RAB28: variants seen among roughly 807,000 people sequenced by gnomAD.
RAB28 encodes the protein ras-related protein Rab-28.
In RAB28, 24 loss-of-function variants were observed where a neutral mutation model predicts 31.7. The observed-to-expected ratio is 0.76, with a 90% CI of 0.55 to 1.06. The LOEUF (loss-of-function observed/expected upper bound fraction) is 1.06, where lower values mean the gene tolerates loss of function less well. RAB28 is among the 50% of genes least tolerant of loss of function. The pLI, the probability that RAB28 is intolerant of heterozygous loss-of-function variation, is 0.00. For synonymous variants in RAB28, 100 were observed against 90.4 expected, an observed-to-expected ratio of 1.11 and a Z score of -0.60; for missense variants, 254 against 258.5, an observed-to-expected ratio of 0.98 and a Z score of 0.12.
chr4:13,426,916 T>C (rs1329695610), intron 4 of RAB28, among the ~76,000 whole-genome samples: 1 of 152,174 alleles, frequency 6.6e-6, no homozygotes, highest in Non-Finnish European at 1.5e-5. Flanking sequence ...ACATGTACTT[T>C]AGAGGTTTGA....
chr4:13,368,329 G>T lies in RAB28; in HGVS notation c.*229C>A. On this transcript the variant is annotated 3_prime_UTR_variant, in exon 7 of 7. Coordinates refer to ENST00000330852, the MANE Select transcript of RAB28 (RefSeq NM_001017979.3). The stretch of plus-strand genomic sequence containing the variant: ...TTGCAATGAAGCAGTCTAATTCCAG[G>T]GAATGGGTTTTCCATTTTGAATTCA... 1 of 1,178,344 alleles carries T rather than the reference G, an allele frequency of 8.5e-7. No homozygotes were observed. Among genetic ancestry groups the T allele is most frequent in the Non-Finnish European group, 1.0e-6 (1 of 953,996 alleles). 73.0% of individuals were successfully genotyped at this position (1,178,344 alleles called of 1,614,324 possible). A position where few individuals can be genotyped will look rare whatever the true frequency, so the allele number is the denominator to read the frequency against.
chr4:13,382,550 C>T (rs13435309), intron 4 of RAB28, among the ~76,000 whole-genome samples: 1,725 of 151,984 alleles, frequency 0.011, 32 homozygotes, highest in African/African-American at 0.039. Context: ...AAAATGCACT[C>T]ATACTACATA....
intron 4 of RAB28, among the ~76,000 whole-genome samples, chr4:13,407,250 T>G (rs957881160): frequency 2.6e-5 from 4 of 152,210 alleles, no homozygotes; most frequent in African/African-American, 9.6e-5. Flanking sequence ...CCAACACCAT[T>G]TATTAAACAG....
intron 4 of RAB28, among the ~76,000 whole-genome samples, chr4:13,426,329 G>A (rs954271423): frequency 2.6e-5 from 4 of 152,036 alleles, no homozygotes; most frequent in Admixed American, 1.3e-4. Flanking sequence ...ACATACTAAT[G>A]AGGATGCAAC....
chr4:13,478,514 G>C (rs1716466060), intron 2 of RAB28, among the ~76,000 whole-genome samples: 1 of 151,468 alleles, frequency 6.6e-6, no homozygotes, highest in Non-Finnish European at 1.5e-5. Context: ...GTGTCTGAGA[G>C]GTTAACATAT....
At chr4:13,449,853 C>G (rs1471182763) in intron 4 of RAB28, among the ~76,000 whole-genome samples, 1 of 151,784 alleles carries the variant, frequency 6.6e-6, no homozygotes, top group Non-Finnish European at 1.5e-5. Context: ...AGGAAGAGGG[C>G]AGCTTCTATG....
intron 3 of RAB28, among the ~76,000 whole-genome samples, chr4:13,461,899 C>G (rs530137927): frequency 6.6e-6 from 1 of 152,178 alleles, no homozygotes; most frequent in African/African-American, 2.4e-5. Flanking sequence ...TTAATCCTCA[C>G]ACCAATCATG....
At chr4:13,462,173 A>G (rs1203722795) in intron 3 of RAB28, among the ~76,000 whole-genome samples, 1 of 152,176 alleles carries the variant, frequency 6.6e-6, no homozygotes, top group Non-Finnish European at 1.5e-5. Flanking sequence ...GACACTGGTA[A>G]ATATTAATCA....
chr4:13,392,296 A>G (rs976907240), intron 4 of RAB28, among the ~76,000 whole-genome samples: 1 of 152,204 alleles, frequency 6.6e-6, no homozygotes, highest in Non-Finnish European at 1.5e-5. Context: ...ATAGTAAATA[A>G]TTCTGATTAA....
chr4:13,479,238 T>A (rs1299071332), intron 2 of RAB28, among the ~76,000 whole-genome samples, 192 bp downstream of exon 2: 1 of 151,588 alleles, frequency 6.6e-6, no homozygotes, highest in Admixed American at 6.6e-5. Flanking sequence ...GTATATAAAC[T>A]TTTTCTTATA....
At chr4:13,396,017 A>G (rs1255120109) in intron 4 of RAB28, among the ~76,000 whole-genome samples, 1 of 146,898 alleles carries the variant, frequency 6.8e-6, no homozygotes, top group Non-Finnish European at 1.5e-5. Flanking sequence ...CTGTCGATGG[A>G]AAAAAAAATT....
At chr4:13,433,675 G>T (rs1223830629) in intron 4 of RAB28, among the ~76,000 whole-genome samples, 2 of 152,056 alleles carry the variant, frequency 1.3e-5, no homozygotes, top group African/African-American at 4.8e-5. Context: ...TGGAGAGGCT[G>T]CAGACAAATG....
intron 4 of RAB28, among the ~76,000 whole-genome samples, chr4:13,430,391 T>C (rs1195753945): frequency 6.6e-6 from 1 of 151,942 alleles, no homozygotes; most frequent in Non-Finnish European, 1.5e-5. Flanking sequence ...ATAACAGAGA[T>C]TGACACCCAA....
chr4:13,385,816 C>T (rs1011305291), intron 4 of RAB28, among the ~76,000 whole-genome samples: 5 of 151,954 alleles, frequency 3.3e-5, no homozygotes, highest in Admixed American at 6.6e-5. Flanking sequence ...CATCCACATG[C>T]GAAAGAATAA....
chr4:13,420,986 G>A (rs987355935), intron 4 of RAB28, among the ~76,000 whole-genome samples: 1 of 152,188 alleles, frequency 6.6e-6, no homozygotes, highest in African/African-American at 2.4e-5. Context: ...CAGATGACAT[G>A]ATTGTATATT....
At chr4:13,386,400 A>T (rs957991247) in intron 4 of RAB28, among the ~76,000 whole-genome samples, 1 of 151,178 alleles carries the variant, frequency 6.6e-6, no homozygotes, top group Admixed American at 6.6e-5. Flanking sequence ...AGGTATTTAA[A>T]CAAATTTACA....
intron 4 of RAB28, among the ~76,000 whole-genome samples, chr4:13,396,798 T>C (rs143613004): frequency 1.7e-3 from 262 of 152,248 alleles, no homozygotes; most frequent in African/African-American, 5.9e-3. Flanking sequence ...AAGCACTTTG[T>C]ATATTAAGGA....
At chr4:13,440,070 C>A (rs914053207) in intron 4 of RAB28, among the ~76,000 whole-genome samples, 3 of 152,092 alleles carry the variant, frequency 2.0e-5, no homozygotes, top group African/African-American at 7.2e-5. Flanking sequence ...TTCTCCAGGA[C>A]AATCCACTTG....
chr4:13,465,125 C>T (rs1041597912), intron 3 of RAB28, among the ~76,000 whole-genome samples: 2 of 151,614 alleles, frequency 1.3e-5, no homozygotes, highest in Non-Finnish European at 2.9e-5. Flanking sequence ...AAAAAAACAA[C>T]GAATAAAACA....
Sources: gnomAD v4.1 joint callset for allele counts (sites outside exome capture counted in the v4.1 genomes callset) on GRCh38, gnomAD v4.1.1 for gene constraint, MANE v1.5 for transcripts, NCBI Gene and HGNC (gene_info 2026-07-23, HGNC 2026-07-21) for gene names.